Variants in ITGA9 observed in about 807,000 individuals in gnomAD.
ITGA9 encodes integrin alpha-9.
In ITGA9, 56 loss-of-function variants were observed where a neutral mutation model predicts 127.8. That is an observed-to-expected ratio of 0.44 (90% CI 0.35 to 0.55). ITGA9 has a LOEUF of 0.55. Ranked by LOEUF, ITGA9 falls within the 20% of genes least tolerant of loss-of-function variation. ITGA9 has a pLI of 0.00. For missense variants in ITGA9, 1,196 were observed against 1,347.1 expected (o/e 0.89, Z 1.76); for synonymous variants, 508 against 514.5 (o/e 0.99, Z 0.17).
In ITGA9 at chr3:37,797,931, C is replaced by T. The variant is rs370670606; in HGVS notation, c.2890-5892C>T. Among the ~76,000 whole-genome samples, 34 of 152,152 alleles carry T rather than the reference C, an allele frequency of 2.2e-4. No homozygotes were observed. In the South Asian group the frequency reaches 3.1e-3, roughly 14 times the overall value. On this transcript the variant is annotated intron_variant, in intron 26 of 27. Coordinates refer to ENST00000264741, the MANE Select transcript of ITGA9 (RefSeq NM_002207.3). The stretch of plus-strand genomic sequence containing the variant: ...GCTCCTGGCCTCAAGTTGATCCACC[C>T]GCCTTGGTCTCCCAAAGTGCTGGAA...
chr3:37,519,388 A>C, intron 11 of ITGA9, 34 bp downstream of exon 11: 1 of 1,512,840 alleles, frequency 6.6e-7, no homozygotes, highest in Non-Finnish European at 9.2e-7. Flanking sequence ...GCAACTGTTC[A>C]TACATTCATT....
chr3:37,529,910 T>C, intron 13 of ITGA9, among the ~76,000 whole-genome samples: 1 of 151,532 alleles, frequency 6.6e-6, no homozygotes, highest in East Asian at 1.9e-4. Flanking sequence ...CAAGGTTCAG[T>C]TCCGGTACAT....
intron 15 of ITGA9, among the ~76,000 whole-genome samples, chr3:37,556,078 A>G (rs1200524421): frequency 6.6e-6 from 1 of 152,218 alleles, no homozygotes; most frequent in Non-Finnish European, 1.5e-5. Flanking sequence ...TTCCCTTTCA[A>G]CTCAACATGT....
chr3:37,581,645 A>G (rs1189759789), intron 15 of ITGA9, among the ~76,000 whole-genome samples: 3 of 152,242 alleles, frequency 2.0e-5, no homozygotes, highest in African/African-American at 7.2e-5. Context: ...CAAGATCTGG[A>G]AAGCAAGACA....
At chr3:37,569,710 C>T (rs893505838) in intron 15 of ITGA9, among the ~76,000 whole-genome samples, 4 of 152,184 alleles carry the variant, frequency 2.6e-5, no homozygotes, top group African/African-American at 7.2e-5. Context: ...AAATTCTACA[C>T]CTTACCTCAT....
intron 22 of ITGA9, among the ~76,000 whole-genome samples, chr3:37,744,660 T>C (rs1302182336): frequency 6.6e-6 from 1 of 152,160 alleles, no homozygotes; most frequent in Non-Finnish European, 1.5e-5. Flanking sequence ...TAGTTGGGGG[T>C]CAGCAAACTT....
chr3:37,769,998 A>G (rs17036936), intron 23 of ITGA9, among the ~76,000 whole-genome samples: 5,972 of 152,250 alleles, frequency 0.039, 286 homozygotes, highest in South Asian at 0.14. Context: ...TGCTTCTCAG[A>G]CATGACAGGT....
At chr3:37,729,795 C>T (rs1257350771) in intron 18 of ITGA9, among the ~76,000 whole-genome samples, 1 of 151,310 alleles carries the variant, frequency 6.6e-6, no homozygotes, top group Non-Finnish European at 1.5e-5. Context: ...CCTCCACCTC[C>T]CAGGTTCAAG....
intron 15 of ITGA9, among the ~76,000 whole-genome samples, chr3:37,551,132 A>T (rs1179856403): frequency 2.0e-5 from 3 of 152,194 alleles, no homozygotes; most frequent in African/African-American, 4.8e-5. Context: ...TTATGTTTGT[A>T]CATTGGTTCA....
chr3:37,702,399 A>G (rs1700956663), intron 18 of ITGA9, among the ~76,000 whole-genome samples: 1 of 152,204 alleles, frequency 6.6e-6, no homozygotes, highest in African/African-American at 2.4e-5. Flanking sequence ...AGACAGTGGC[A>G]GCCTCTGATG....
chr3:37,790,151 G>T, intron 26 of ITGA9: 1 of 566,326 alleles, frequency 1.8e-6, no homozygotes, highest in South Asian at 1.4e-5. Context: ...TCAAAGTGAT[G>T]ACCTTTCAGC....
intron 26 of ITGA9, among the ~76,000 whole-genome samples, chr3:37,795,525 G>A (rs1318470505): frequency 6.6e-6 from 1 of 152,218 alleles, no homozygotes; most frequent in Non-Finnish European, 1.5e-5. Context: ...CAGGGTGCCA[G>A]TGTCTGGACC....
chr3:37,518,445 T>G (rs1476006497), intron 10 of ITGA9, among the ~76,000 whole-genome samples: 1 of 152,224 alleles, frequency 6.6e-6, no homozygotes, highest in African/African-American at 2.4e-5. Flanking sequence ...GTTAGGAAGA[T>G]CTAGGTTTTG....
intron 9 of ITGA9, among the ~76,000 whole-genome samples, chr3:37,514,779 G>T (rs1698967343): frequency 6.6e-6 from 1 of 152,110 alleles, no homozygotes; most frequent in Non-Finnish European, 1.5e-5. Flanking sequence ...CACCATGTTG[G>T]CCAGGCTGGT....
intron 17 of ITGA9, among the ~76,000 whole-genome samples, chr3:37,675,035 G>T (rs1415252103): frequency 6.6e-6 from 1 of 152,194 alleles, no homozygotes; most frequent in Non-Finnish European, 1.5e-5. Context: ...TCAGAAAGCT[G>T]ACATAGGATC....
intron 9 of ITGA9, among the ~76,000 whole-genome samples, chr3:37,514,286 G>T (rs1347309235): frequency 6.6e-6 from 1 of 152,224 alleles, no homozygotes; most frequent in East Asian, 1.9e-4. Flanking sequence ...CAGCTAAGAA[G>T]TGGGGCTGGG....
intron 13 of ITGA9, 81 bp downstream of exon 13, chr3:37,526,152 C>A: frequency 8.3e-7 from 1 of 1,207,384 alleles, no homozygotes; most frequent in Non-Finnish European, 1.2e-6. Flanking sequence ...GGGCTCTTTC[C>A]TCTGTCCTGT....
intron 21 of ITGA9, among the ~76,000 whole-genome samples, chr3:37,742,277 T>TG (rs1696446823): frequency 6.6e-6 from 1 of 152,170 alleles, no homozygotes; most frequent in Non-Finnish European, 1.5e-5. Flanking sequence ...CCACAGGCAG[T>TG]GCTGGCTTTG....
At chr3:37,732,385 A>G in intron 18 of ITGA9, among the ~76,000 whole-genome samples, 1 of 152,058 alleles carries the variant, frequency 6.6e-6, no homozygotes, top group South Asian at 2.1e-4. Flanking sequence ...GGCCAAGAAG[A>G]TGACAGGGTT....
Sources: gnomAD v4.1 joint callset for allele counts (sites outside exome capture counted in the v4.1 genomes callset) on GRCh38, gnomAD v4.1.1 for gene constraint, MANE v1.5 for transcripts, NCBI Gene and HGNC (gene_info 2026-07-23, HGNC 2026-07-21) for gene names.